The following CPM variants were observed in gnomAD, a reference collection of about 807,000 sequenced individuals.
CPM encodes the protein renal carboxypeptidase.
A neutral mutation model predicts 46.4 loss-of-function variants in CPM; 35 were observed. That is an observed-to-expected ratio of 0.75 (90% CI 0.58 to 1.00). The LOEUF is 1.00. Ranked by LOEUF, CPM falls within the 50% of genes least tolerant of loss-of-function variation. The pLI, the probability that CPM is intolerant of heterozygous loss-of-function variation, is 0.00. For synonymous variants in CPM, 195 were observed against 195.3 expected (o/e 1.00, Z 0.01); for missense variants, 422 against 530.4 (o/e 0.80, Z 2.01).
At chr12:68,850,849 T>TAATA (rs573677284), downstream of CPM, among the ~76,000 whole-genome samples, 914 of 152,302 alleles carry the variant, frequency 6.0e-3, 11 homozygotes, top group African/African-American at 0.021. Flanking sequence ...TTTATTACAT[T>TAATA]AATATAAATT....
At chr12:68,842,648 A>G (rs1883880932) in intron 5 of CPM, 2 of 230,410 alleles carry the variant, frequency 8.7e-6, no homozygotes, top group African/African-American at 2.2e-5. Flanking sequence ...TAATGGTACT[A>G]GACAACATGT....
chr12:68,864,075 G>T (rs1034895332), intron 7 of CPM, among the ~76,000 whole-genome samples: 2 of 152,186 alleles, frequency 1.3e-5, no homozygotes, highest in Non-Finnish European at 2.9e-5. Context: ...GGGTTGATGT[G>T]CCAATATATG....
intron 1 of CPM, 91 bp from the exon 2 acceptor site, chr12:68,932,931 T>G: frequency 2.5e-6 from 3 of 1,207,536 alleles, no homozygotes; most frequent in Admixed American, 4.0e-5. Flanking sequence ...GGTCTCAGGG[T>G]CTCCCGACAC....
At chr12:68,924,683 C>T (rs972076874) in intron 2 of CPM, among the ~76,000 whole-genome samples, 1 of 152,128 alleles carries the variant, frequency 6.6e-6, no homozygotes, top group African/African-American at 2.4e-5. Flanking sequence ...TCATATTCAT[C>T]CTCAATATGT....
intron 2 of CPM, among the ~76,000 whole-genome samples, chr12:68,886,948 C>T (rs1195405700): frequency 1.3e-5 from 2 of 152,136 alleles, no homozygotes; most frequent in Admixed American, 6.5e-5. Flanking sequence ...CCCACTGAGA[C>T]GGATTATTAA....
At chr12:68,922,116 T>A (rs1351706260) in intron 2 of CPM, among the ~76,000 whole-genome samples, 1 of 152,166 alleles carries the variant, frequency 6.6e-6, no homozygotes, top group African/African-American at 2.4e-5. Flanking sequence ...GGAAGGAGAT[T>A]CTGACTCTGC....
At chr12:68,916,348 T>A (rs996852783) in intron 2 of CPM, among the ~76,000 whole-genome samples, 9 of 152,184 alleles carry the variant, frequency 5.9e-5, no homozygotes, top group African/African-American at 2.2e-4. Context: ...AGAAACTACA[T>A]ATAATCACCA....
intron 1 of CPM, among the ~76,000 whole-genome samples, chr12:68,960,066 G>T (rs1291106309): frequency 1.3e-5 from 2 of 152,168 alleles, no homozygotes; most frequent in South Asian, 2.1e-4. Flanking sequence ...CCTTTTTATG[G>T]CTTTTGAGAC....
At chr12:68,886,976 A>T (rs1278847737) in intron 2 of CPM, among the ~76,000 whole-genome samples, 1 of 152,178 alleles carries the variant, frequency 6.6e-6, no homozygotes, top group East Asian at 1.9e-4. Context: ...TTACAAATGA[A>T]AAAACTGATC....
Position 68,932,749 on chromosome 12 carries a change from G to A in CPM, c.89C>T (p.Ala30Val). 2 of 1,614,186 alleles carry A rather than the reference G, an allele frequency of 1.2e-6. No individual in the cohort carries two copies. The highest frequency in any genetic ancestry group is 8.5e-7 in the Non-Finnish European group (1 of 1,180,018). The change falls in exon 2 of 9, where the codon GCG becomes GTG. Residue 30 changes from alanine to valine, a missense_variant. Transcript: ENST00000551568. Reference sequence around the variant, plus strand: ...GTTTTGGGCAACAGTCTTCAAAAACGCTTCCATCCCTTCCTGGCGGTGGTA... The same window carrying A: ...GTTTTGGGCAACAGTCTTCAAAAACACTTCCATCCCTTCCTGGCGGTGGTA... ...FNYHRQEGME[A>V]FLKTVAQNYS... is the part of the protein sequence containing the mutation.
chr12:68,931,757 AAAAAAAAAAG>A (rs1169861941), intron 2 of CPM, among the ~76,000 whole-genome samples: 1 of 148,954 alleles, frequency 6.7e-6, no homozygotes, highest in African/African-American at 2.5e-5. Flanking sequence ...AAAAAAAAAA[AAAAAAAAAAG>A]AAAGAAAGAA....
chr12:68,911,846 G>A (rs1887607740), intron 2 of CPM: 1 of 152,304 alleles, frequency 6.6e-6, no homozygotes, highest in South Asian at 2.1e-4. Context: ...CTGAACAGCA[G>A]AACCAGGATT....
Position 68,885,830 on chromosome 12 carries a change from G to T in CPM, c.220C>A (p.Pro74Thr). The change falls in exon 3 of 9, where the codon CCA becomes ACA. Residue 74 changes from proline to threonine, a missense_variant. Transcript: ENST00000551568. ...RFPKEHRIGIPEFKYVANMHG... is the reference protein window; with the variant it reads ...RFPKEHRIGITEFKYVANMHG... ...ATATTTGCCACGTATTTGAACTCTG[G>T]AATCCCAATTCTGTGTTCCTTTGGA... 2 of 1,614,138 alleles carry T rather than the reference G, an allele frequency of 1.2e-6. No individual in the cohort carries two copies. The highest frequency in any genetic ancestry group is 8.5e-7 in the Non-Finnish European group (1 of 1,180,024).
chr12:68,875,658 T>C (rs976896462), intron 3 of CPM, among the ~76,000 whole-genome samples: 2 of 151,452 alleles, frequency 1.3e-5, no homozygotes, highest in Admixed American at 6.6e-5. Context: ...ACATAAAAAT[T>C]AGCCAGGTGT....
chr12:68,934,458 C>T (rs1269265490), upstream of CPM, among the ~76,000 whole-genome samples: 1 of 152,122 alleles, frequency 6.6e-6, no homozygotes, highest in African/African-American at 2.4e-5. Flanking sequence ...CTGAGACTTC[C>T]AGTGATTCTG....
upstream of CPM, among the ~76,000 whole-genome samples, chr12:68,937,751 T>C (rs1412718039): frequency 6.6e-6 from 1 of 152,234 alleles, no homozygotes; most frequent in African/African-American, 2.4e-5. Flanking sequence ...CGAGTTGCAA[T>C]GTTTTAATTT....
intron 3 of CPM, among the ~76,000 whole-genome samples, chr12:68,877,669 AC>A (rs1886019103): frequency 1.3e-5 from 2 of 152,074 alleles, no homozygotes. Context: ...AATTATTCAA[AC>A]CACAGAGCGT....
chr12:68,963,022 C>T (rs1889147766), intron 1 of CPM: 1 of 152,710 alleles, frequency 6.5e-6, no homozygotes, highest in African/African-American at 2.4e-5. Flanking sequence ...CCACCTTAGG[C>T]ACATAGGCAG....
chr12:68,904,033 T>G (rs957959985), intron 2 of CPM, among the ~76,000 whole-genome samples: 2 of 152,070 alleles, frequency 1.3e-5, no homozygotes, highest in Admixed American at 1.3e-4. Context: ...ACCACAGGCA[T>G]GCGCCACTAT....
Sources: gnomAD v4.1 joint callset for allele counts (sites outside exome capture counted in the v4.1 genomes callset) on GRCh38, gnomAD v4.1.1 for gene constraint, MANE v1.5 for transcripts, NCBI Gene and HGNC (gene_info 2026-07-23, HGNC 2026-07-21) for gene names.